KLRG1: variants seen among roughly 807,000 people sequenced by gnomAD.
KLRG1 encodes killer cell lectin like receptor G1.
Under a neutral mutation model 21.8 loss-of-function variants are expected in KLRG1, and 16 were observed. The ratio of observed to expected loss-of-function variants is 0.73; its 90% CI spans 0.50 to 1.11. KLRG1 has a LOEUF of 1.11. KLRG1 is among the 50% of genes most tolerant of loss of function. The pLI is 0.00. For missense variants in KLRG1, 173 were observed against 218.3 expected, an observed-to-expected ratio of 0.79 and a Z score of 1.31; for synonymous variants, 69 against 75.9, an observed-to-expected ratio of 0.91 and a Z score of 0.47.
intron 1 of KLRG1, among the ~76,000 whole-genome samples, chr12:8,971,944 A>G (rs1477280205): frequency 3.3e-5 from 5 of 152,220 alleles, no homozygotes; most frequent in African/African-American, 4.8e-5. Context: ...ATTTTCTCCC[A>G]TTCTATAGAA....
the KLRG1 span, chr12:9,027,584 T>G: frequency 1.1e-6 from 1 of 924,734 alleles, no homozygotes; most frequent in Non-Finnish European, 1.8e-6. Flanking sequence ...CATAGGCACC[T>G]TGGTTTCGTG....
chr12:9,027,023 T>G, the KLRG1 span, among the ~76,000 whole-genome samples: 1 of 152,006 alleles, frequency 6.6e-6, no homozygotes, highest in Non-Finnish European at 1.5e-5. Flanking sequence ...GGCTGGCTTT[T>G]TTTTTTTAAT....
chr12:9,072,305 A>C, the KLRG1 span: 1 of 1,594,140 alleles, frequency 6.3e-7, no homozygotes, highest in Non-Finnish European at 8.5e-7. Flanking sequence ...GGAGTTCCCG[A>C]AAGAAGACTG....
chr12:9,094,344 T>C, the KLRG1 span, among the ~76,000 whole-genome samples: 2 of 108,376 alleles, frequency 1.8e-5, no homozygotes, highest in Non-Finnish European at 4.1e-5. Flanking sequence ...ATTGTGCATA[T>C]ATATATATAT....
chr12:9,028,892 C>T, the KLRG1 span: 2 of 639,866 alleles, frequency 3.1e-6, no homozygotes, highest in East Asian at 3.5e-5. Flanking sequence ...GCATCCACCT[C>T]CTCCATAGTG....
chr12:9,116,445 G>A, the KLRG1 span, among the ~76,000 whole-genome samples: 1 of 152,208 alleles, frequency 6.6e-6, no homozygotes, highest in African/African-American at 2.4e-5. Context: ...CAGATGAAGA[G>A]CCAGGCCCTG....
At chr12:8,970,276 A>T (rs1946544813) in intron 1 of KLRG1, among the ~76,000 whole-genome samples, 1 of 152,250 alleles carries the variant, frequency 6.6e-6, no homozygotes, top group Non-Finnish European at 1.5e-5. Context: ...TTTGTACTAT[A>T]GTGGCAGAAG....
the KLRG1 span, among the ~76,000 whole-genome samples, chr12:9,199,729 G>T: frequency 6.6e-6 from 1 of 151,976 alleles, no homozygotes; most frequent in Non-Finnish European, 1.5e-5. Context: ...AAATATTAGA[G>T]CAAAAAAACT....
chr12:9,005,999 G>T (rs1318773872), intron 3 of KLRG1, among the ~76,000 whole-genome samples: 1 of 152,200 alleles, frequency 6.6e-6, no homozygotes, highest in Non-Finnish European at 1.5e-5. Flanking sequence ...ATGGCCTGAG[G>T]GTTGGGGACC....
the KLRG1 span, among the ~76,000 whole-genome samples, chr12:9,183,925 A>T: frequency 5.3e-5 from 8 of 152,212 alleles, no homozygotes. Flanking sequence ...ATTTGTGTTC[A>T]GTTGGACAGA....
chr12:9,126,856 C>A, the KLRG1 span, among the ~76,000 whole-genome samples: 3 of 152,166 alleles, frequency 2.0e-5, no homozygotes, highest in African/African-American at 7.2e-5. Context: ...GTCTGTATAT[C>A]ATCACGAGAC....
chr12:9,207,397 G>A, the KLRG1 span, among the ~76,000 whole-genome samples: 1 of 152,230 alleles, frequency 6.6e-6, no homozygotes, highest in African/African-American at 2.4e-5. Context: ...CTGGGTTAAG[G>A]CCAGGGACCT....
intron 1 of KLRG1, among the ~76,000 whole-genome samples, chr12:8,958,656 A>G (rs1296687936): frequency 6.6e-6 from 1 of 151,968 alleles, no homozygotes; most frequent in African/African-American, 2.4e-5. Context: ...CAGGATTTCA[A>G]ACCAGCTTGG....
chr12:8,953,206 A>G (rs1946234576), intron 1 of KLRG1, among the ~76,000 whole-genome samples: 1 of 152,192 alleles, frequency 6.6e-6, no homozygotes, highest in Non-Finnish European at 1.5e-5. Flanking sequence ...AATTTTATTG[A>G]GCGATGGAAC....
chr12:9,181,026 C>A, the KLRG1 span: 5 of 1,614,032 alleles, frequency 3.1e-6, no homozygotes, highest in Admixed American at 8.3e-5. Context: ...GAGCAGCACA[C>A]TTTGGTCCAC....
intron 3 of KLRG1, among the ~76,000 whole-genome samples, chr12:9,005,728 C>T (rs1227186333): frequency 6.6e-6 from 1 of 152,126 alleles, no homozygotes; most frequent in Non-Finnish European, 1.5e-5. Flanking sequence ...TTCCATGGAC[C>T]GTTGCTGGGG....
chr12:8,989,088 G>T (rs966905721), upstream of KLRG1, among the ~76,000 whole-genome samples: 1 of 152,184 alleles, frequency 6.6e-6, no homozygotes, highest in Admixed American at 6.5e-5. Context: ...AGGTTTTGGG[G>T]AAGATGTGGT....
At chr12:9,204,905 C>T in the KLRG1 span, among the ~76,000 whole-genome samples, 1 of 151,830 alleles carries the variant, frequency 6.6e-6, no homozygotes, top group Non-Finnish European at 1.5e-5. Context: ...GAACAGCCTG[C>T]ACAACATTGT....
the KLRG1 span, among the ~76,000 whole-genome samples, chr12:9,021,465 A>T: frequency 4.1e-5 from 6 of 146,290 alleles, no homozygotes; most frequent in Non-Finnish European, 5.9e-5. Context: ...CAGTGGCATG[A>T]TCTCAGCTCA....
Sources: allele counts gnomAD v4.1 joint callset (sites outside exome capture counted in the v4.1 genomes callset), GRCh38; gene constraint gnomAD v4.1.1; transcripts MANE v1.5; gene names NCBI Gene and HGNC (gene_info 2026-07-23, HGNC 2026-07-21).